The following RPTOR variants were observed in gnomAD, a reference collection of about 807,000 sequenced individuals.
RPTOR encodes regulatory associated protein of MTOR complex 1, also known as regulatory-associated protein of mTOR.
In RPTOR, 21 loss-of-function variants were observed where a neutral mutation model predicts 169.9. That is an observed-to-expected ratio of 0.12 (90% confidence interval 0.09 to 0.18). The LOEUF (loss-of-function observed/expected upper bound fraction) is 0.18, where lower values mean the gene tolerates loss of function less well. Among genes scored for constraint, RPTOR ranks in the 10% least tolerant of loss-of-function variants. The pLI is 1.00. For missense variants in RPTOR, 1,133 were observed against 1,855.9 expected (o/e 0.61, Z 7.16); for synonymous variants, 732 against 753.2 (o/e 0.97, Z 0.46).
At chr17:80,669,795 A>G (rs1035475060) in intron 3 of RPTOR, among the ~76,000 whole-genome samples, 4 of 152,168 alleles carry the variant, frequency 2.6e-5, no homozygotes, top group Admixed American at 2.6e-4. Flanking sequence ...CCCTCTGTGG[A>G]TCATCTCTCT....
At chr17:80,742,682 TAC>T (rs551022315) in intron 5 of RPTOR, among the ~76,000 whole-genome samples, 65 of 103,788 alleles carry the variant, frequency 6.3e-4, no homozygotes, top group African/African-American at 2.2e-3. Flanking sequence ...TACAGCCATA[TAC>T]ACAGAGACAC....
At chr17:80,802,503 T>C (rs1323295470) in intron 7 of RPTOR, 1 of 151,626 alleles carries the variant, frequency 6.6e-6, no homozygotes. Flanking sequence ...GGCAGAAGAA[T>C]CGCTTGAACC....
Position 80,823,359 on chromosome 17 carries a change from C to A in RPTOR, c.1136+136C>A. 2 of 911,060 alleles carry A rather than the reference C, an allele frequency of 2.2e-6. No homozygotes were observed. Among genetic ancestry groups the A allele is most frequent in the South Asian group, 3.8e-5 (1 of 26,476 alleles). The allele number at this position is 911,060 out of a possible 1,614,324, so 56.4% of individuals were successfully genotyped here. ...CCCCGTGTAGCATTAACAAGTGAAG[C>A]TAAATGCAGGGCTCCCAGAGATCTC... On this transcript the variant is annotated intron_variant, in intron 9 of 33. Coordinates refer to ENST00000306801, the MANE Select transcript of RPTOR (RefSeq NM_020761.3). This position sits in a 1 kb window ranked among gnomAD's most constrained non-coding sequence, Gnocchi z 4.5.
At chr17:80,849,600 A>G (rs756087804) in intron 11 of RPTOR, among the ~76,000 whole-genome samples, 6 of 152,060 alleles carry the variant, frequency 3.9e-5, no homozygotes, top group Non-Finnish European at 7.4e-5. Context: ...GCTCACTGCA[A>G]CCTCTGCCTC....
At chr17:80,551,041 C>T (rs746765357) in intron 1 of RPTOR, among the ~76,000 whole-genome samples, 3 of 152,122 alleles carry the variant, frequency 2.0e-5, no homozygotes, top group Admixed American at 2.0e-4. Flanking sequence ...GTGCATGACA[C>T]CATGCCCGGC....
At chr17:80,610,348 A>G (rs984035275) in intron 1 of RPTOR, among the ~76,000 whole-genome samples, 2 of 152,230 alleles carry the variant, frequency 1.3e-5, no homozygotes, top group African/African-American at 4.8e-5. Context: ...AATTGTGTTC[A>G]TGGAATATGT....
intron 20 of RPTOR, among the ~76,000 whole-genome samples, chr17:80,905,481 A>T (rs1224546150): frequency 6.6e-6 from 1 of 151,252 alleles, no homozygotes; most frequent in African/African-American, 2.4e-5. Flanking sequence ...CTGTAGTCCC[A>T]GCTCCTCAGG....
intron 5 of RPTOR, among the ~76,000 whole-genome samples, chr17:80,737,099 G>T (rs1406594043): frequency 6.6e-6 from 1 of 152,128 alleles, no homozygotes; most frequent in Non-Finnish European, 1.5e-5. Context: ...TTTCTAAGTT[G>T]TCTCTGTTTC....
chr17:80,678,612 G>C (rs1464392213), intron 3 of RPTOR, among the ~76,000 whole-genome samples: 3 of 152,260 alleles, frequency 2.0e-5, no homozygotes, highest in African/African-American at 7.2e-5. Context: ...AAGGAAAGCA[G>C]TGGTTATGCC....
Position 80,947,195 on chromosome 17 carries a change from T to C in RPTOR, c.3141-32T>C. ...GTCATTTGGGTTTGCAGTTTCCTAATGACTTTTTTATTCCTCTCTTCTTCC... is the reference window on the plus strand; with the variant it reads ...GTCATTTGGGTTTGCAGTTTCCTAACGACTTTTTTATTCCTCTCTTCTTCC... On this transcript the variant is annotated intron_variant, in intron 26 of 33. Transcript: ENST00000306801. This position sits in a 1 kb window ranked among gnomAD's most constrained non-coding sequence, Gnocchi z 4.4. 1 of 1,542,370 alleles carries C rather than the reference T, an allele frequency of 6.5e-7. No individual in the cohort carries two copies. The highest frequency in any genetic ancestry group is 8.7e-7 in the Non-Finnish European group (1 of 1,149,576).
At chr17:80,757,823 C>A (rs958810364) in intron 6 of RPTOR, among the ~76,000 whole-genome samples, 1 of 152,158 alleles carries the variant, frequency 6.6e-6, no homozygotes, top group African/African-American at 2.4e-5. Flanking sequence ...CCCACGGCCT[C>A]CTATGCGCCC....
intron 14 of RPTOR, among the ~76,000 whole-genome samples, chr17:80,881,338 CT>C (rs1218090418): frequency 6.6e-6 from 1 of 152,198 alleles, no homozygotes; most frequent in Admixed American, 6.5e-5. Context: ...AAAGTTGATA[CT>C]TTGTATCAGT....
intron 13 of RPTOR, among the ~76,000 whole-genome samples, chr17:80,879,783 A>T (rs2068165475): frequency 6.6e-6 from 1 of 152,180 alleles, no homozygotes; most frequent in African/African-American, 2.4e-5. Flanking sequence ...GTGACTGTGA[A>T]TGTGTAGACA....
At chr17:80,789,565 G>A (rs769221730) in intron 6 of RPTOR, among the ~76,000 whole-genome samples, 3 of 152,168 alleles carry the variant, frequency 2.0e-5, no homozygotes, top group Non-Finnish European at 2.9e-5. Context: ...GCCAGCCTCC[G>A]ACTCGGGGAA....
intron 27 of RPTOR, among the ~76,000 whole-genome samples, chr17:80,948,356 C>T (rs1431171746): frequency 6.6e-6 from 1 of 152,248 alleles, no homozygotes; most frequent in East Asian, 1.9e-4. Context: ...GTAGCATCAA[C>T]CGATGTCGAA....
At chr17:80,901,095 G>A (rs1275920545) in intron 20 of RPTOR, among the ~76,000 whole-genome samples, 1 of 152,218 alleles carries the variant, frequency 6.6e-6, no homozygotes, top group East Asian at 1.9e-4. Context: ...CCACAGGCAA[G>A]AGGGACTGCG....
intron 2 of RPTOR, among the ~76,000 whole-genome samples, chr17:80,642,451 A>G (rs2065561650): frequency 6.6e-6 from 1 of 152,174 alleles, no homozygotes; most frequent in Admixed American, 6.5e-5. Context: ...TACTTAAGAC[A>G]TTTCTGATGA....
intron 5 of RPTOR, among the ~76,000 whole-genome samples, chr17:80,742,413 A>G (rs1257933883): frequency 6.6e-6 from 1 of 151,984 alleles, no homozygotes; most frequent in Non-Finnish European, 1.5e-5. Context: ...GGAAGGATGC[A>G]GACGCACAGC....
At chr17:80,819,097 T>C (rs1174549410) in intron 7 of RPTOR, among the ~76,000 whole-genome samples, 1 of 152,178 alleles carries the variant, frequency 6.6e-6, no homozygotes, top group Non-Finnish European at 1.5e-5. Context: ...TGATGGTCCC[T>C]GCACTTCTTC....
Sources: allele counts gnomAD v4.1 joint callset (sites outside exome capture counted in the v4.1 genomes callset), GRCh38; gene constraint gnomAD v4.1.1; non-coding constraint Gnocchi (gnomAD v3.1); transcripts MANE v1.5; gene names NCBI Gene and HGNC (gene_info 2026-07-23, HGNC 2026-07-21).